Variants in CSMD3 observed in about 807,000 individuals in gnomAD.
CSMD3 encodes CUB and sushi domain-containing protein 3.
Under a neutral mutation model 435.2 loss-of-function variants are expected in CSMD3, and 177 were observed. That is an observed-to-expected ratio of 0.41 (90% CI 0.36 to 0.46). CSMD3 has a LOEUF of 0.46. Ranked by LOEUF, CSMD3 falls within the 20% of genes least tolerant of loss-of-function variation. The pLI is 0.34. For missense variants in CSMD3, 4,265 were observed against 4,504.6 expected (o/e 0.95, Z 1.52); for synonymous variants, 1,656 against 1,520.5 (o/e 1.09, Z -2.07).
At chr8:112,426,747 A>AT (rs1813107104) in intron 32 of CSMD3, among the ~76,000 whole-genome samples, 3 of 152,088 alleles carry the variant, frequency 2.0e-5, no homozygotes, top group South Asian at 4.1e-4. Context: ...ACTTACATAT[A>AT]TTTTTCCTTC....
chr8:112,610,877 T>G (rs1485572361), intron 22 of CSMD3, among the ~76,000 whole-genome samples: 1 of 152,160 alleles, frequency 6.6e-6, no homozygotes, highest in Non-Finnish European at 1.5e-5. Context: ...GCCAATGTAT[T>G]AAATATCACT....
chr8:112,622,880 A>C (rs78525513), intron 22 of CSMD3, among the ~76,000 whole-genome samples: 3,178 of 152,196 alleles, frequency 0.021, 45 homozygotes, highest in Middle Eastern at 0.099. Flanking sequence ...ATACTTAATA[A>C]ATTTTCATTA....
chr8:113,225,955 C>A (rs945131149), intron 3 of CSMD3, among the ~76,000 whole-genome samples: 5 of 151,376 alleles, frequency 3.3e-5, no homozygotes, highest in Admixed American at 2.7e-4. Flanking sequence ...TAGTGAGTGA[C>A]TTCTCACGAG....
chr8:112,645,247 C>T, intron 19 of CSMD3, 22 bp from the exon 20 acceptor site: 1 of 1,232,662 alleles, frequency 8.1e-7, no homozygotes, highest in Non-Finnish European at 1.2e-6. Context: ...AGAAACAGAT[C>T]CATGTGATCA....
intron 42 of CSMD3, among the ~76,000 whole-genome samples, 177 bp from the exon 43 acceptor site, chr8:112,337,908 A>C (rs1824729587): frequency 6.6e-6 from 1 of 152,196 alleles, no homozygotes; most frequent in Non-Finnish European, 1.5e-5. Flanking sequence ...ATTTCTTCTC[A>C]TGTCTACAAT....
chr8:112,863,647 C>A (rs1428452978), intron 10 of CSMD3, among the ~76,000 whole-genome samples: 1 of 151,908 alleles, frequency 6.6e-6, no homozygotes, highest in East Asian at 1.9e-4. Flanking sequence ...TTAGTTGTGT[C>A]CATTTGTCAA....
At chr8:112,444,703 T>C (rs1815403490) in intron 32 of CSMD3, among the ~76,000 whole-genome samples, 1 of 152,126 alleles carries the variant, frequency 6.6e-6, no homozygotes, top group South Asian at 2.1e-4. Context: ...TCCCAAGGAA[T>C]AGAAGGGAGA....
chr8:112,516,107 A>C (rs777750631), intron 28 of CSMD3, among the ~76,000 whole-genome samples: 1 of 152,100 alleles, frequency 6.6e-6, no homozygotes, highest in Non-Finnish European at 1.5e-5. Context: ...AAAATAAGTC[A>C]CTGTGAAGTT....
intron 32 of CSMD3, among the ~76,000 whole-genome samples, chr8:112,464,070 A>T (rs571274297): frequency 2.6e-5 from 4 of 152,062 alleles, no homozygotes; most frequent in African/African-American, 7.2e-5. Flanking sequence ...CCTCGTCTCT[A>T]CTAAAAATAC....
At chr8:112,633,811 T>TATA (rs1285663238) in intron 22 of CSMD3, among the ~76,000 whole-genome samples, 2 of 152,032 alleles carry the variant, frequency 1.3e-5, no homozygotes, top group Non-Finnish European at 2.9e-5. Context: ...TCAGATGCCT[T>TATA]ATATAACCTA....
At chr8:113,385,275 CTT>C (rs1462544943) in intron 1 of CSMD3, among the ~76,000 whole-genome samples, 1 of 152,000 alleles carries the variant, frequency 6.6e-6, no homozygotes, top group Non-Finnish European at 1.5e-5. Context: ...AGCCTTAAAA[CTT>C]TACCCTAATA....
chr8:112,681,370 A>C (rs2131778583), intron 16 of CSMD3, among the ~76,000 whole-genome samples: 1 of 152,104 alleles, frequency 6.6e-6, no homozygotes, highest in African/African-American at 2.4e-5. Context: ...TCTTTATAAT[A>C]AAATAGATAT....
In CSMD3 at chr8:113,224,796, T is replaced by A. The variant is rs1412300282; in HGVS notation, c.515-50880A>T. ...GATTAAATTCTGGCTCTTGTGTAAA[T>A]TTTTTTTTTTAATTTTTCTCCTTAT... is the stretch of plus-strand genomic sequence containing the variant. On this transcript the variant is annotated intron_variant, in intron 3 of 70. Transcript: ENST00000297405. Among the ~76,000 whole-genome samples the A allele has an allele frequency of 4.9e-5, 5 of 102,048 alleles. No homozygotes were observed. In the East Asian group the frequency reaches 1.1e-3, roughly 23 times the overall value. 66.9% of individuals were successfully genotyped at this position (102,048 alleles called of 152,430 possible).
intron 3 of CSMD3, among the ~76,000 whole-genome samples, chr8:113,277,636 G>A (rs551159637): frequency 4.0e-5 from 6 of 151,850 alleles, no homozygotes; most frequent in African/African-American, 1.4e-4. Flanking sequence ...CCTTGCTACG[G>A]TATTTATGTA....
intron 59 of CSMD3, among the ~76,000 whole-genome samples, chr8:112,272,115 C>G (rs1360372975): frequency 6.6e-6 from 1 of 152,208 alleles, no homozygotes; most frequent in East Asian, 1.9e-4. Context: ...CCTCACCAGA[C>G]ACAGGATCTG....
chr8:113,333,941 C>T (rs557649367), intron 1 of CSMD3, among the ~76,000 whole-genome samples: 5 of 152,002 alleles, frequency 3.3e-5, no homozygotes, highest in South Asian at 2.1e-4. Context: ...CCATCTTGAA[C>T]TTCTTCTACT....
intron 5 of CSMD3, among the ~76,000 whole-genome samples, chr8:113,035,687 G>A (rs2087316124): frequency 6.6e-6 from 1 of 151,704 alleles, no homozygotes; most frequent in African/African-American, 2.4e-5. Context: ...GATGTTTTTG[G>A]CTTGCCAGTC....
At chr8:113,187,896 G>A (rs2131966254) in intron 3 of CSMD3, among the ~76,000 whole-genome samples, 1 of 152,020 alleles carries the variant, frequency 6.6e-6, no homozygotes, top group Non-Finnish European at 1.5e-5. Flanking sequence ...CCTTACGCTT[G>A]CCTAGCCACA....
chr8:112,337,516 A>G (rs1271008859), intron 43 of CSMD3, 27 bp downstream of exon 43: 1 of 1,588,792 alleles, frequency 6.3e-7, no homozygotes, highest in African/African-American at 1.3e-5. Context: ...ACATCACCTA[A>G]AAGATAGCTT....
Sources: allele counts gnomAD v4.1 joint callset (sites outside exome capture counted in the v4.1 genomes callset), GRCh38; gene constraint gnomAD v4.1.1; transcripts MANE v1.5; gene names NCBI Gene and HGNC (gene_info 2026-07-23, HGNC 2026-07-21).